Variants in HOMER2 observed in about 807,000 individuals in gnomAD.
The protein encoded by HOMER2 is homer scaffold protein 2.
Under a neutral mutation model 47.0 loss-of-function variants are expected in HOMER2, and 27 were observed. That is an observed-to-expected ratio of 0.57 (90% CI 0.42 to 0.79). The LOEUF (loss-of-function observed/expected upper bound fraction) is 0.79. Ranked by LOEUF, HOMER2 falls within the 30% of genes least tolerant of loss-of-function variation. HOMER2 has a pLI of 0.00. For missense variants in HOMER2, 443 were observed against 435.0 expected, an observed-to-expected ratio of 1.02 and a Z score of -0.16; for synonymous variants, 161 against 163.8, an observed-to-expected ratio of 0.98 and a Z score of 0.13.
intron 3 of HOMER2, among the ~76,000 whole-genome samples, chr15:82,866,986 A>C (rs1032097815): frequency 6.6e-6 from 1 of 152,212 alleles, no homozygotes; most frequent in Non-Finnish European, 1.5e-5. Flanking sequence ...GGAACAGAAC[A>C]AACAGGTGAG....
chr15:82,847,304 G>C (rs900582860), downstream of HOMER2: 1 of 152,268 alleles, frequency 6.6e-6, no homozygotes, highest in Non-Finnish European at 1.5e-5. Flanking sequence ...AAAGCAGAAG[G>C]AATGGAAAGT....
chr15:82,981,711 G>A (rs1307459846), intron 1 of HOMER2, among the ~76,000 whole-genome samples: 1 of 152,230 alleles, frequency 6.6e-6, no homozygotes, highest in Non-Finnish European at 1.5e-5. Flanking sequence ...ATGCTACAAT[G>A]TGGATGAACC....
intron 1 of HOMER2, among the ~76,000 whole-genome samples, chr15:82,895,280 G>A (rs1476550646): frequency 6.6e-6 from 1 of 152,028 alleles, no homozygotes; most frequent in Non-Finnish European, 1.5e-5. Context: ...CCACACACTC[G>A]ATGCTAAACC....
intron 1 of HOMER2, among the ~76,000 whole-genome samples, chr15:82,932,207 G>C (rs987816209): frequency 6.6e-6 from 1 of 152,070 alleles, no homozygotes; most frequent in African/African-American, 2.4e-5. Context: ...AAGATGTAGG[G>C]AAGAGGGCCG....
chr15:82,852,368 C>A, intron 6 of HOMER2, 116 bp from the exon 7 acceptor site: 1 of 712,754 alleles, frequency 1.4e-6, no homozygotes, highest in South Asian at 1.9e-5. Context: ...AACTAATCCA[C>A]TTATAAGATT....
intron 1 of HOMER2, among the ~76,000 whole-genome samples, chr15:82,980,315 C>G (rs1038702761): frequency 2.0e-5 from 3 of 152,076 alleles, no homozygotes; most frequent in Non-Finnish European, 4.4e-5. Flanking sequence ...TCTCAGTCAC[C>G]CCAGGGCCAG....
In HOMER2 at chr15:82,892,754, C is replaced by T. The variant is rs77711643; in HGVS notation, c.93G>A (p.Ala31=). The T allele has an allele frequency of 4.2e-4, 680 of 1,605,358 alleles. 1 individual carries two copies. The highest frequency in any genetic ancestry group is 5.3e-4 in the Non-Finnish European group (626 of 1,174,144). Residue 31 remains alanine, a synonymous_variant, in exon 2 of 9, where the codon GCG becomes GCA. Transcript: ENST00000450735. ...KKNWMPASKQ[A]VTVSYFYDVT... ...CATCATAGAAGTAGGAAACGGTGAC[C>T]GCCTGCTTGCTCGCAGGCATCCAGT... is the stretch of plus-strand genomic sequence containing the variant.
exon 2 of HOMER2, chr15:82,840,235 AAATT>A (rs1158942966): frequency 6.6e-6 from 1 of 152,140 alleles, no homozygotes; most frequent in African/African-American, 2.4e-5. Context: ...ATAAAGGAAA[AAATT>A]AAGAACAAAA....
chr15:82,865,011 A>T (rs2051920490), intron 3 of HOMER2, among the ~76,000 whole-genome samples: 1 of 152,244 alleles, frequency 6.6e-6, no homozygotes, highest in Admixed American at 6.5e-5. Flanking sequence ...TTTATTGAGA[A>T]CTCATTTATT....
At chr15:82,899,553 C>T (rs569460622) in intron 1 of HOMER2, among the ~76,000 whole-genome samples, 1 of 152,354 alleles carries the variant, frequency 6.6e-6, no homozygotes, top group African/African-American at 2.4e-5. Flanking sequence ...TACTTTTATA[C>T]AAAATCCACA....
intron 1 of HOMER2, among the ~76,000 whole-genome samples, chr15:82,920,227 T>C (rs1046561542): frequency 1.3e-5 from 2 of 152,210 alleles, no homozygotes; most frequent in Non-Finnish European, 2.9e-5. Flanking sequence ...TTTGCTGTTG[T>C]AGATCCTCAA....
intron 1 of HOMER2, among the ~76,000 whole-genome samples, chr15:82,893,057 G>C (rs2052770665): frequency 6.6e-6 from 1 of 152,152 alleles, no homozygotes; most frequent in Non-Finnish European, 1.5e-5. Context: ...GTTATCCCGA[G>C]ACTGCAGGGC....
chr15:82,900,190 G>A (rs1470530341), intron 1 of HOMER2, among the ~76,000 whole-genome samples: 1 of 152,114 alleles, frequency 6.6e-6, no homozygotes, highest in African/African-American at 2.4e-5. Flanking sequence ...AGCCACTCAG[G>A]AGGCTGAGGC....
chr15:82,891,405 T>C (rs1388723689), intron 2 of HOMER2, among the ~76,000 whole-genome samples: 1 of 152,180 alleles, frequency 6.6e-6, no homozygotes, highest in Non-Finnish European at 1.5e-5. Context: ...GCCACCTTTA[T>C]CTGCAGTTGC....
At chr15:82,944,400 T>C (rs1412582789) in intron 1 of HOMER2, among the ~76,000 whole-genome samples, 1 of 152,188 alleles carries the variant, frequency 6.6e-6, no homozygotes, top group African/African-American at 2.4e-5. Context: ...TCAAAACCAA[T>C]GCAAATTAGA....
At chr15:82,984,843 A>C (rs1025050165) in intron 1 of HOMER2, among the ~76,000 whole-genome samples, 27 of 152,150 alleles carry the variant, frequency 1.8e-4, no homozygotes, top group South Asian at 6.2e-4. Flanking sequence ...AACAAACAAA[A>C]AAAGCACAAT....
intron 3 of HOMER2, among the ~76,000 whole-genome samples, chr15:82,870,440 T>TA (rs2052140053): frequency 6.6e-6 from 1 of 151,994 alleles, no homozygotes; most frequent in Admixed American, 6.6e-5. Context: ...AGCCATCTTA[T>TA]CACCACAAAG....
downstream of HOMER2, chr15:82,844,493 A>T (rs1462893941): frequency 6.6e-6 from 1 of 152,216 alleles, no homozygotes; most frequent in Non-Finnish European, 1.5e-5. Context: ...AAGTTATAAA[A>T]CAGTATGTAT....
intron 1 of HOMER2, among the ~76,000 whole-genome samples, chr15:82,949,419 T>G: frequency 6.6e-6 from 1 of 150,706 alleles, no homozygotes; most frequent in African/African-American, 2.4e-5. Flanking sequence ...CTGAGAGGGG[T>G]GTTGTTTTGA....
Sources: allele counts gnomAD v4.1 joint callset (sites outside exome capture counted in the v4.1 genomes callset), GRCh38; gene constraint gnomAD v4.1.1; transcripts MANE v1.5; gene names NCBI Gene and HGNC (gene_info 2026-07-23, HGNC 2026-07-21).